GPHN: variants seen among roughly 807,000 people sequenced by gnomAD.
The protein encoded by GPHN is gephyrin.
A neutral mutation model predicts 95.5 loss-of-function variants in GPHN; 17 were observed. That is an observed-to-expected ratio of 0.18 (90% CI 0.12 to 0.27). GPHN has a LOEUF of 0.27. Among genes scored for constraint, GPHN ranks in the 10% least tolerant of loss-of-function variants. The probability of loss-of-function intolerance (pLI) is 1.00; values close to 1 mark genes in which losing one functional copy is unlikely to be tolerated. For synonymous variants in GPHN, 320 were observed against 322.5 expected (o/e 0.99, Z 0.08); for missense variants, 660 against 978.1 (o/e 0.67, Z 4.34).
chr14:66,553,005 T>A (rs2059877018), intron 1 of GPHN, among the ~76,000 whole-genome samples: 1 of 151,972 alleles, frequency 6.6e-6, no homozygotes, highest in Non-Finnish European at 1.5e-5. Flanking sequence ...TTTTTCTTTT[T>A]TTAGACAAGA....
intron 10 of GPHN, among the ~76,000 whole-genome samples, chr14:67,026,779 A>T (rs2073947270): frequency 6.6e-6 from 1 of 152,118 alleles, no homozygotes; most frequent in East Asian, 1.9e-4. Flanking sequence ...AGTAGCTGGG[A>T]CTACAGGTGC....
At chr14:67,734,662 A>T in the GPHN span, among the ~76,000 whole-genome samples, 1 of 152,206 alleles carries the variant, frequency 6.6e-6, no homozygotes, top group African/African-American at 2.4e-5. Context: ...AATCCATCTG[A>T]GTTAGGCAGA....
At chr14:67,728,394 C>G in the GPHN span, among the ~76,000 whole-genome samples, 2 of 152,158 alleles carry the variant, frequency 1.3e-5, no homozygotes, top group Non-Finnish European at 2.9e-5. Flanking sequence ...CAGGCACTGA[C>G]AGATTAAGAA....
intron 12 of GPHN, among the ~76,000 whole-genome samples, chr14:67,096,969 A>T (rs1312016526): frequency 2.0e-5 from 3 of 152,186 alleles, no homozygotes; most frequent in African/African-American, 7.2e-5. Flanking sequence ...TAACAAATAT[A>T]AAACTTTGTG....
chr14:66,956,508 A>T (rs985158236), intron 8 of GPHN, among the ~76,000 whole-genome samples: 1 of 151,954 alleles, frequency 6.6e-6, no homozygotes, highest in African/African-American at 2.4e-5. Flanking sequence ...CCAACAGTGT[A>T]AAAGTGTTCC....
At chr14:67,662,109 CTG>C in the GPHN span, among the ~76,000 whole-genome samples, 3 of 151,448 alleles carry the variant, frequency 2.0e-5, no homozygotes, top group Admixed American at 6.6e-5. Context: ...TGAGCCGAGA[CTG>C]TGCCACTGCA....
intron 11 of GPHN, among the ~76,000 whole-genome samples, chr14:67,082,144 T>C (rs921567422): frequency 6.6e-6 from 1 of 152,172 alleles, no homozygotes; most frequent in African/African-American, 2.4e-5. Flanking sequence ...AGAATGGTGG[T>C]GGTATTTTGA....
chr14:67,321,721 C>T, the GPHN span, among the ~76,000 whole-genome samples: 5 of 152,218 alleles, frequency 3.3e-5, no homozygotes, highest in East Asian at 3.9e-4. Flanking sequence ...GCCAGGGTAA[C>T]GTTTTCCACT....
rs186650147 is a variant in GPHN at position 67,164,138 on chromosome 14, C to T, written c.1911-1024C>T. On this transcript the variant is annotated intron_variant, in intron 19 of 22. Coordinates refer to ENST00000478722, the MANE Select transcript of GPHN (RefSeq NM_020806.5). ...ACAAAATTAGCCGGGCGTGGTGGCA[C>T]GTGCCTGTAATCCCAGCTACTCGGG... Among the ~76,000 whole-genome samples the T allele has an allele frequency of 7.9e-5, 12 of 151,488 alleles. No homozygotes were observed. In the East Asian group the frequency reaches 2.2e-3, roughly 27 times the overall value.
At chr14:66,924,921 A>G (rs1246497011) in intron 8 of GPHN, among the ~76,000 whole-genome samples, 1 of 152,136 alleles carries the variant, frequency 6.6e-6, no homozygotes. Context: ...ATCATTAAAC[A>G]GTGATAATTT....
chr14:66,543,619 C>T (rs1360544642), intron 1 of GPHN, among the ~76,000 whole-genome samples: 1 of 152,144 alleles, frequency 6.6e-6, no homozygotes, highest in Admixed American at 6.5e-5. Context: ...AATACTGATT[C>T]CCTGCCTAAC....
chr14:67,594,915 C>T, the GPHN span, among the ~76,000 whole-genome samples: 34 of 152,162 alleles, frequency 2.2e-4, no homozygotes, highest in South Asian at 6.8e-3. Flanking sequence ...TTTGGGAGGC[C>T]GAGGCGGGCG....
At chr14:66,573,049 G>A (rs918136311) in intron 1 of GPHN, among the ~76,000 whole-genome samples, 1 of 152,142 alleles carries the variant, frequency 6.6e-6, no homozygotes, top group African/African-American at 2.4e-5. Flanking sequence ...TATCATTGTG[G>A]TTGGAAATAA....
intron 2 of GPHN, among the ~76,000 whole-genome samples, chr14:66,707,519 A>C (rs1254730553): frequency 6.6e-6 from 1 of 152,210 alleles, no homozygotes; most frequent in Non-Finnish European, 1.5e-5. Context: ...TTGAAGGGAC[A>C]TGGGTGAAGC....
intron 1 of GPHN, among the ~76,000 whole-genome samples, chr14:66,539,535 T>C (rs926372368): frequency 3.3e-5 from 5 of 150,568 alleles, no homozygotes; most frequent in African/African-American, 1.2e-4. Flanking sequence ...CTGCCTCAGG[T>C]TCCTGAGTAG....
intron 11 of GPHN, 192 bp downstream of exon 11, chr14:67,058,978 G>T: frequency 1.9e-5 from 8 of 411,710 alleles, no homozygotes; most frequent in Admixed American, 4.4e-5. Flanking sequence ...AGTATACAGA[G>T]TAAAATCCAT....
chr14:67,031,496 A>G (rs1274179003), intron 10 of GPHN, among the ~76,000 whole-genome samples: 1 of 152,190 alleles, frequency 6.6e-6, no homozygotes, highest in Non-Finnish European at 1.5e-5. Flanking sequence ...TTATTGAGGT[A>G]CTATTTATAA....
At chr14:66,633,560 T>G (rs1352157604) in intron 1 of GPHN, among the ~76,000 whole-genome samples, 1 of 152,190 alleles carries the variant, frequency 6.6e-6, no homozygotes, top group African/African-American at 2.4e-5. Flanking sequence ...TTCCAGTGTA[T>G]GAGGATTTTA....
chr14:67,399,108 T>C, the GPHN span, among the ~76,000 whole-genome samples: 1 of 152,236 alleles, frequency 6.6e-6, no homozygotes, highest in Non-Finnish European at 1.5e-5. Context: ...GTGGGCAATA[T>C]GAGGCCACTT....
Sources: allele counts gnomAD v4.1 joint callset (sites outside exome capture counted in the v4.1 genomes callset), GRCh38; gene constraint gnomAD v4.1.1; transcripts MANE v1.5; gene names NCBI Gene and HGNC (gene_info 2026-07-23, HGNC 2026-07-21).